RBFOX1: variants seen among roughly 807,000 people sequenced by gnomAD.
The protein encoded by RBFOX1 is RNA binding fox-1 homolog 1, also known as RNA binding protein fox-1 homolog 1.
Under a neutral mutation model 57.7 loss-of-function variants are expected in RBFOX1, and 8 were observed. The ratio of observed to expected loss-of-function variants is 0.14; its 90% CI spans 0.08 to 0.25. RBFOX1 has a LOEUF of 0.25. RBFOX1 is among the 10% of genes least tolerant of loss of function. The pLI, the probability that RBFOX1 is intolerant of heterozygous loss-of-function variation, is 1.00. For missense variants in RBFOX1, 611 were observed against 548.5 expected (o/e 1.11, Z -1.14); for synonymous variants, 326 against 222.4 (o/e 1.47, Z -4.15).
At chr16:7,213,944 C>G (rs1162368707) in intron 4 of RBFOX1, among the ~76,000 whole-genome samples, 9 of 147,334 alleles carry the variant, frequency 6.1e-5, no homozygotes, top group Non-Finnish European at 1.2e-4. Flanking sequence ...TTGTTAAGAA[C>G]TAAAATATTC....
chr16:6,961,079 G>C (rs1479393369), intron 3 of RBFOX1, among the ~76,000 whole-genome samples: 1 of 150,826 alleles, frequency 6.6e-6, no homozygotes, highest in African/African-American at 2.4e-5. Context: ...GGAGGCGGGA[G>C]TTGCAGTGAG....
chr16:7,320,303 C>A (rs2096523912), intron 4 of RBFOX1, among the ~76,000 whole-genome samples: 1 of 152,110 alleles, frequency 6.6e-6, no homozygotes, highest in South Asian at 2.1e-4. Flanking sequence ...TGTTCAGCTC[C>A]CACTTGTGAG....
intron 4 of RBFOX1, among the ~76,000 whole-genome samples, chr16:5,871,991 C>G (rs751757222): frequency 1.3e-5 from 2 of 152,102 alleles, no homozygotes; most frequent in Non-Finnish European, 2.9e-5. Context: ...TCCCTCCTAC[C>G]ATTATTTTTT....
chr16:6,061,828 T>G (rs548620111), intron 1 of RBFOX1, among the ~76,000 whole-genome samples: 38 of 152,226 alleles, frequency 2.5e-4, no homozygotes, highest in Admixed American at 9.2e-4. Flanking sequence ...ACCAATGGGG[T>G]GTCCTATAAT....
At chr16:6,429,366 C>T (rs1419279614) in intron 2 of RBFOX1, among the ~76,000 whole-genome samples, 5 of 152,216 alleles carry the variant, frequency 3.3e-5, no homozygotes, top group Admixed American at 3.3e-4. Flanking sequence ...TAGCCCCTTC[C>T]ATTATAGAAT....
intron 3 of RBFOX1, among the ~76,000 whole-genome samples, chr16:5,758,209 A>T (rs142464068): frequency 2.0e-5 from 3 of 152,234 alleles, no homozygotes; most frequent in African/African-American, 7.2e-5. Flanking sequence ...AAATGATGCT[A>T]TTAATCCTAC....
chr16:6,986,342 G>A (rs1260806818), intron 3 of RBFOX1, among the ~76,000 whole-genome samples: 1 of 152,072 alleles, frequency 6.6e-6, no homozygotes, highest in Non-Finnish European at 1.5e-5. Flanking sequence ...GGGATTGCAG[G>A]CGTCTGCCAC....
At chr16:6,010,245 C>T (rs1363626054) in intron 4 of RBFOX1, among the ~76,000 whole-genome samples, 1 of 152,140 alleles carries the variant, frequency 6.6e-6, no homozygotes, top group Non-Finnish European at 1.5e-5. Flanking sequence ...CCAAGGAAGG[C>T]TGTAAGTGGT....
intron 3 of RBFOX1, among the ~76,000 whole-genome samples, chr16:6,675,804 G>C (rs531552634): frequency 6.6e-6 from 1 of 151,990 alleles, no homozygotes; most frequent in Non-Finnish European, 1.5e-5. Context: ...CCACTGCTAC[G>C]AATCAATTAT....
chr16:6,610,364 A>G (rs971890455), intron 2 of RBFOX1, among the ~76,000 whole-genome samples: 12 of 152,090 alleles, frequency 7.9e-5, no homozygotes, highest in East Asian at 1.9e-4. Flanking sequence ...GTATCCCACT[A>G]TCACCCAGGC....
intron 3 of RBFOX1, among the ~76,000 whole-genome samples, chr16:7,028,020 G>T (rs2041501688): frequency 6.6e-6 from 1 of 152,038 alleles, no homozygotes; most frequent in Admixed American, 6.5e-5. Context: ...GAGAAGGAAA[G>T]AAAGGAAGCC....
At chr16:5,508,701 G>T (rs2151716238) in intron 2 of RBFOX1, among the ~76,000 whole-genome samples, 1 of 152,286 alleles carries the variant, frequency 6.6e-6, no homozygotes, top group South Asian at 2.1e-4. Flanking sequence ...CGATTGCACA[G>T]AGTGCCATAC....
At chr16:6,252,600 A>G (rs1296217575) in intron 1 of RBFOX1, among the ~76,000 whole-genome samples, 2 of 142,848 alleles carry the variant, frequency 1.4e-5, no homozygotes, top group African/African-American at 4.9e-5. Flanking sequence ...TTTCGTTTCC[A>G]TGCCAAGGTG....
In RBFOX1 at chr16:5,769,436, T is replaced by A. The variant is rs187152518; in HGVS notation, c.319-97867T>A. 7.4e-4 allele frequency among the ~76,000 whole-genome samples: 111 copies of A among 149,768 alleles called. 1 individual carries two copies. The highest frequency in any genetic ancestry group is 4.5e-3 in the South Asian group (21 of 4,690). On this transcript the variant is annotated intron_variant, in intron 3 of 19. Coordinates refer to the RBFOX1 transcript ENST00000641259. ...CAGGTGGATCACTTGAAGTCAGGAG[T>A]TTGAAACCAGCCTGGCCAACATGAT...
chr16:7,312,319 G>A (rs535011419), intron 4 of RBFOX1, among the ~76,000 whole-genome samples: 5 of 152,354 alleles, frequency 3.3e-5, no homozygotes, highest in African/African-American at 9.6e-5. Flanking sequence ...GACAGAGGTA[G>A]CAGTGAGCCG....
intron 3 of RBFOX1, among the ~76,000 whole-genome samples, chr16:6,753,157 T>C (rs1365447305): frequency 6.6e-6 from 1 of 152,108 alleles, no homozygotes; most frequent in African/African-American, 2.4e-5. Context: ...ATGTGTGAAA[T>C]TTACTTTGAA....
At chr16:7,129,537 A>G (rs1241825614) in intron 4 of RBFOX1, among the ~76,000 whole-genome samples, 1 of 152,182 alleles carries the variant, frequency 6.6e-6, no homozygotes, top group Non-Finnish European at 1.5e-5. Flanking sequence ...CTCTTGGATT[A>G]CAATGGAGAG....
At chr16:7,577,648 A>G (rs534866269) in intron 5 of RBFOX1, among the ~76,000 whole-genome samples, 1 of 152,340 alleles carries the variant, frequency 6.6e-6, no homozygotes, top group African/African-American at 2.4e-5. Context: ...CTGTAGTCCC[A>G]GTGCTTTGGG....
intron 2 of RBFOX1, among the ~76,000 whole-genome samples, chr16:6,618,947 C>T (rs1020958514): frequency 3.3e-5 from 5 of 152,152 alleles, no homozygotes; most frequent in Admixed American, 2.6e-4. Context: ...GAAAACACAT[C>T]ACAGAGAATG....
Sources: allele counts gnomAD v4.1 joint callset (sites outside exome capture counted in the v4.1 genomes callset), GRCh38; gene constraint gnomAD v4.1.1; transcripts MANE v1.5; gene names NCBI Gene and HGNC (gene_info 2026-07-23, HGNC 2026-07-21).